The following RNF14 variants were observed in gnomAD, a reference collection of about 807,000 sequenced individuals.
RNF14 encodes E3 ubiquitin-protein ligase RNF14.
A neutral mutation model predicts 52.6 loss-of-function variants in RNF14; 26 were observed. That is an observed-to-expected ratio of 0.49 (90% CI 0.36 to 0.69). The LOEUF (loss-of-function observed/expected upper bound fraction) is 0.69. Among genes scored for constraint, RNF14 ranks in the 30% least tolerant of loss-of-function variants. The probability of loss-of-function intolerance (pLI) is 0.00; values close to 1 mark genes in which losing one functional copy is unlikely to be tolerated. For missense variants in RNF14, 404 were observed against 560.4 expected (o/e 0.72, Z 2.82); for synonymous variants, 194 against 202.0 (o/e 0.96, Z 0.34).
At chr5:141,985,647 C>T (rs1270955037) in intron 8 of RNF14, among the ~76,000 whole-genome samples, 1 of 152,126 alleles carries the variant, frequency 6.6e-6, no homozygotes, top group Non-Finnish European at 1.5e-5. Context: ...GCTCCGCCTC[C>T]CGGGTTCATG....
At chr5:141,967,214 T>C (rs902886464), upstream of RNF14, among the ~76,000 whole-genome samples, 1 of 152,184 alleles carries the variant, frequency 6.6e-6, no homozygotes, top group Admixed American at 6.5e-5. Context: ...AACTACATAA[T>C]TTACAAAGCC....
At chr5:141,979,612 T>C (rs1252623725) in intron 5 of RNF14, among the ~76,000 whole-genome samples, 1 of 152,160 alleles carries the variant, frequency 6.6e-6, no homozygotes, top group African/African-American at 2.4e-5. Context: ...ATTTAAATCA[T>C]ACAAGGCTAG....
chr5:141,979,587 T>G (rs1260010341), intron 5 of RNF14, among the ~76,000 whole-genome samples: 1 of 152,092 alleles, frequency 6.6e-6, no homozygotes, highest in African/African-American at 2.4e-5. Context: ...TAATTTTACT[T>G]AAAATAAACT....
upstream of RNF14, chr5:141,956,359 C>A: frequency 6.2e-7 from 1 of 1,614,164 alleles, no homozygotes; most frequent in Non-Finnish European, 8.5e-7. Context: ...GTCCTGGATG[C>A]GGTATGAGAC....
intron 1 of RNF14, chr5:141,969,865 TA>T (rs1753584790): frequency 6.6e-6 from 1 of 152,200 alleles, no homozygotes; most frequent in Non-Finnish European, 1.5e-5. Flanking sequence ...CCTAAAACCA[TA>T]AACTGCATGA....
upstream of RNF14, among the ~76,000 whole-genome samples, chr5:141,968,463 A>G (rs969855901): frequency 1.3e-5 from 2 of 152,012 alleles, no homozygotes; most frequent in African/African-American, 4.8e-5. Context: ...TATTTAGTTA[A>G]TTTTTGCATA....
At chr5:141,984,444 C>G (rs1755058993) in intron 7 of RNF14, among the ~76,000 whole-genome samples, 1 of 152,124 alleles carries the variant, frequency 6.6e-6, no homozygotes, top group South Asian at 2.1e-4. Context: ...GAGTGGAGGA[C>G]TTGGTACCAA....
intron 2 of RNF14, 34 bp from the exon 3 acceptor site, chr5:141,973,549 A>C (rs147402888): frequency 0.013 from 21,075 of 1,581,958 alleles, 178 homozygotes; most frequent in Non-Finnish European, 0.016. Context: ...GCCTCTGTGC[A>C]TTTTCTGTTC....
intron 4 of RNF14, among the ~76,000 whole-genome samples, chr5:141,976,383 T>C (rs740662): frequency 0.085 from 12,881 of 152,290 alleles, 601 homozygotes; most frequent in African/African-American, 0.11. Context: ...GGTTTCAGAT[T>C]CCAGCCAACC....
chr5:141,973,864 C>A (rs1436853769), intron 3 of RNF14, 122 bp downstream of exon 3: 2 of 799,046 alleles, frequency 2.5e-6, no homozygotes, highest in Non-Finnish European at 3.7e-6. Flanking sequence ...AGAGGTAATG[C>A]ATGTTTCTGT....
upstream of RNF14, among the ~76,000 whole-genome samples, chr5:141,953,532 C>T (rs908561240): frequency 1.3e-5 from 2 of 152,210 alleles, no homozygotes; most frequent in Non-Finnish European, 2.9e-5. Context: ...ACTCTATGTG[C>T]TGCTGGAAAG....
At chr5:141,961,654 G>A (rs1204130490) in intron 1 of RNF14, among the ~76,000 whole-genome samples, 1 of 152,144 alleles carries the variant, frequency 6.6e-6, no homozygotes, top group Non-Finnish European at 1.5e-5. Flanking sequence ...CAGGATTAGG[G>A]TTTGTGCTTG....
rs1445265930 is a variant in RNF14, at chr5:141,978,849, G to A, written c.834+19G>A. The A allele has an allele frequency of 6.2e-7, 1 of 1,606,218 alleles. No individual in the cohort carries two copies. Among genetic ancestry groups the A allele is most frequent in the Non-Finnish European group, 8.5e-7 (1 of 1,174,176 alleles). ...TGGTCAGGTAACTGTTTACCCTGCT[G>A]ATGGTTGCCTCCTAATTCTCTTCCA... On this transcript the variant is annotated intron_variant, in intron 5 of 8. Coordinates refer to ENST00000394520, the MANE Select transcript of RNF14 (RefSeq NM_004290.5).
chr5:141,978,176 C>A, intron 4 of RNF14, 127 bp from the exon 5 acceptor site: 1 of 746,930 alleles, frequency 1.3e-6, no homozygotes, highest in Non-Finnish European at 2.2e-6. Flanking sequence ...CAGTGTATCA[C>A]AGCAGTAAAA....
upstream of RNF14, among the ~76,000 whole-genome samples, chr5:141,964,570 T>C (rs757960870): frequency 2.0e-5 from 3 of 152,196 alleles, no homozygotes; most frequent in South Asian, 2.1e-4. Flanking sequence ...GTGCTTCTAG[T>C]GTAGGCACTT....
chr5:141,978,761 C>A lies in RNF14; in HGVS notation c.765C>A (p.Ile255=). 1 of 1,613,992 alleles carries A rather than the reference C, an allele frequency of 6.2e-7. No individual in the cohort carries two copies. Among genetic ancestry groups the A allele is most frequent in the African/African-American group, 1.3e-5 (1 of 75,056 alleles). The part of the protein sequence containing the change: ...ACLKDYFEIQ[I]RDGQVQCLNC... ...TGAAGGACTACTTTGAAATCCAGAT[C>A]AGAGATGGCCAGGTTCAATGCCTCA... The change falls in exon 5 of 9, where the codon ATC becomes ATA. Residue 255 remains isoleucine, a synonymous_variant. Coordinates refer to ENST00000394520, the MANE Select transcript of RNF14 (RefSeq NM_004290.5).
At chr5:141,976,774 CTCTTTTTTTTTTT>C (rs1754296099) in intron 4 of RNF14, among the ~76,000 whole-genome samples, 10 of 140,866 alleles carry the variant, frequency 7.1e-5, no homozygotes. Context: ...GCCTTTCTCT[CTCTTTTTTTTTTT>C]TTTTTTTTTT....
In RNF14 at chr5:141,987,839, C is replaced by T. The variant is rs758144474; in HGVS notation, c.*49C>T. On this transcript the variant is annotated 3_prime_UTR_variant, in exon 9 of 9. Transcript: ENST00000394520. Reference sequence around the variant, plus strand: ...AGTGGATTGTTTTTCCCTAATCTTCCGTCAAGTACACAAAGTAACTTTGCG... The same window carrying T: ...AGTGGATTGTTTTTCCCTAATCTTCTGTCAAGTACACAAAGTAACTTTGCG... The T allele has an allele frequency of 5.8e-6, 9 of 1,539,788 alleles. No homozygotes were observed. The highest frequency in any genetic ancestry group is 1.7e-5 in the Admixed American group (1 of 59,836).
At chr5:141,978,188 A>G in intron 4 of RNF14, 115 bp from the exon 5 acceptor site, 3 of 849,040 alleles carry the variant, frequency 3.5e-6, no homozygotes, top group Admixed American at 2.6e-5. Context: ...GCAGTAAAAA[A>G]TAGTGTTAGA....
Sources: allele counts gnomAD v4.1 joint callset (sites outside exome capture counted in the v4.1 genomes callset), GRCh38; gene constraint gnomAD v4.1.1; transcripts MANE v1.5; gene names NCBI Gene and HGNC (gene_info 2026-07-23, HGNC 2026-07-21).